OSBPL9: variants seen among roughly 807,000 people sequenced by gnomAD.
OSBPL9 encodes oxysterol binding protein like 9.
Under a neutral mutation model 106.6 loss-of-function variants are expected in OSBPL9, and 40 were observed. The ratio of observed to expected loss-of-function variants is 0.38; its 90% confidence interval spans 0.29 to 0.49. The LOEUF is 0.49. Ranked by LOEUF, OSBPL9 falls within the 20% of genes least tolerant of loss-of-function variation. The pLI, the probability that OSBPL9 is intolerant of heterozygous loss-of-function variation, is 0.97. For synonymous variants in OSBPL9, 269 were observed against 295.4 expected (o/e 0.91, Z 0.92); for missense variants, 609 against 887.2 (o/e 0.69, Z 3.98).
intron 1 of OSBPL9, chr1:51,583,731 C>T (rs1645233522): frequency 6.6e-6 from 1 of 152,160 alleles, no homozygotes; most frequent in African/African-American, 2.4e-5. Flanking sequence ...GTTCCTCAGC[C>T]CTGCTGAGCT....
At chr1:51,678,024 G>T (rs1651692945) in intron 3 of OSBPL9, among the ~76,000 whole-genome samples, 1 of 151,086 alleles carries the variant, frequency 6.6e-6, no homozygotes, top group Admixed American at 6.6e-5. Context: ...AAAAAAAAAT[G>T]AAAAAACTCC....
At chr1:51,564,052 C>CATAAAAAAAAAA in the OSBPL9 span, among the ~76,000 whole-genome samples, 1 of 27,386 alleles carries the variant, frequency 3.7e-5, no homozygotes, top group Non-Finnish European at 6.5e-5. Flanking sequence ...GAGATCATCT[C>CATAAAAAAAAAA]AAAAAAAAAA....
At chr1:51,735,436 G>A (rs1235633018) in intron 4 of OSBPL9, among the ~76,000 whole-genome samples, 2 of 152,176 alleles carry the variant, frequency 1.3e-5, no homozygotes, top group African/African-American at 2.4e-5. Context: ...CCACTAGCCC[G>A]GTGGAGTACT....
At chr1:51,654,224 G>A (rs1415870647) in intron 2 of OSBPL9, among the ~76,000 whole-genome samples, 1 of 152,156 alleles carries the variant, frequency 6.6e-6, no homozygotes, top group African/African-American at 2.4e-5. Flanking sequence ...TTAGCAGGAA[G>A]AACATAGTGT....
Position 51,652,007 on chromosome 1 carries a change from T to C in OSBPL9, c.128T>C (p.Met43Thr), listed in dbSNP as rs1646547418. ...TTCTTTTAGTCCAAGGACAAAATGA[T>C]GAGAGGCTCTCGCAGAGGATGTGTT... ...LSYYTSKDKM[M>T]RGSRRGCVRL... Residue 43 changes from methionine to threonine, a missense_variant, in exon 2 of 24, where the codon ATG becomes ACG. Met to Thr is a moderately conservative substitution (Grantham distance 81, BLOSUM62 -1). Transcript: ENST00000428468. 6.2e-7 allele frequency: 1 copy of C among 1,608,842 alleles called. No homozygotes were observed.
chr1:51,746,987 T>C (rs745894856), intron 6 of OSBPL9, among the ~76,000 whole-genome samples: 3 of 152,216 alleles, frequency 2.0e-5, no homozygotes, highest in Non-Finnish European at 4.4e-5. Context: ...TTTGTTTTGT[T>C]TTGAGATAGT....
At chr1:51,573,508 CAAAAAAAAAAAA>C (rs961323006), upstream of OSBPL9, among the ~76,000 whole-genome samples, 1 of 25,060 alleles carries the variant, frequency 4.0e-5, no homozygotes, top group Non-Finnish European at 7.6e-5. Context: ...AACTCCATCT[CAAAAAAAAAAAA>C]AAAAAAAAAA....
chr1:51,676,304 G>A (rs966664173), intron 3 of OSBPL9, among the ~76,000 whole-genome samples: 7 of 151,848 alleles, frequency 4.6e-5, no homozygotes, highest in African/African-American at 1.7e-4. Flanking sequence ...GGTGGTGCGT[G>A]CTGTAGTCGC....
At chr1:51,550,830 A>G in the OSBPL9 span, among the ~76,000 whole-genome samples, 14 of 152,180 alleles carry the variant, frequency 9.2e-5, no homozygotes, top group Non-Finnish European at 2.1e-4. Context: ...ATTTAAACAA[A>G]ATAAAATCCT....
chr1:51,634,642 A>C lies in OSBPL9; in HGVS notation c.112-17349A>C, dbSNP rs570883818. Among the ~76,000 whole-genome samples, 197 of 152,318 alleles carry C rather than the reference A, an allele frequency of 1.3e-3. 5 individuals are homozygous for C. Among genetic ancestry groups the C allele is most frequent in the Non-Finnish European group, 1.3e-4 (9 of 68,026 alleles). On this transcript the variant is annotated intron_variant, in intron 1 of 23. Transcript: ENST00000428468. ...CCATGCAGAAAGGAATAGAGGGTTAAGGGTATCCTGGGGTTGTGGGGAAGG... is the reference window on the plus strand; with the variant it reads ...CCATGCAGAAAGGAATAGAGGGTTACGGGTATCCTGGGGTTGTGGGGAAGG...
At chr1:51,732,348 T>TA (rs1160987446) in intron 4 of OSBPL9, among the ~76,000 whole-genome samples, 6 of 152,226 alleles carry the variant, frequency 3.9e-5, no homozygotes, top group Admixed American at 1.3e-4. Flanking sequence ...CGAAAACAGA[T>TA]ATTTATGATG....
the OSBPL9 span, among the ~76,000 whole-genome samples, chr1:51,553,080 C>G: frequency 6.6e-6 from 1 of 152,030 alleles, no homozygotes; most frequent in Admixed American, 6.6e-5. Flanking sequence ...TTTGAATGGA[C>G]CTTCCTTCAG....
At position 51,788,864 on chromosome 1, in the gene OSBPL9, T is replaced by TTTTA. The variant is rs1370295953; in HGVS notation, c.*1080_*1083dup. Reference sequence around the variant, plus strand: ...TATCTATCTATCTATCTATCATCTTTTTTATTTAAAAATACATTAAAAAAA... The same window carrying TTTTA: ...TATCTATCTATCTATCTATCATCTTTTTTATTTATTTAAAAATACATTAAAAAAA... On this transcript the variant is annotated 3_prime_UTR_variant, in exon 24 of 24. Coordinates refer to ENST00000428468, the MANE Select transcript of OSBPL9 (RefSeq NM_024586.6). Among the ~76,000 whole-genome samples, 2 of 152,048 alleles carry TTTTA rather than the reference T, an allele frequency of 1.3e-5. No individual in the cohort carries two copies. The highest frequency in any genetic ancestry group is 6.5e-5 in the Admixed American group (1 of 15,268).
chr1:51,735,513 G>T (rs188272805), intron 4 of OSBPL9, among the ~76,000 whole-genome samples: 2 of 152,216 alleles, frequency 1.3e-5, no homozygotes, highest in East Asian at 3.9e-4. Context: ...AAGCTTTCTC[G>T]TCCTTATAAC....
intron 1 of OSBPL9, among the ~76,000 whole-genome samples, chr1:51,593,002 A>G (rs138335130): frequency 6.6e-6 from 1 of 152,316 alleles, no homozygotes; most frequent in African/African-American, 2.4e-5. Context: ...GAAATCCATC[A>G]GGAAGTAGGG....
the OSBPL9 span, among the ~76,000 whole-genome samples, chr1:51,544,805 C>T: frequency 1.4e-5 from 2 of 145,854 alleles, no homozygotes; most frequent in Admixed American, 1.4e-4. Flanking sequence ...TTAAAAATTA[C>T]ATCCAACAGT....
chr1:51,749,568 A>G (rs1436120634), intron 7 of OSBPL9: 1 of 398,842 alleles, frequency 2.5e-6, no homozygotes, highest in Admixed American at 2.4e-5. Context: ...TCCTTGGCCT[A>G]CCAAAGCAGT....
intron 3 of OSBPL9, among the ~76,000 whole-genome samples, chr1:51,686,371 G>C (rs1179585173): frequency 6.6e-6 from 1 of 152,174 alleles, no homozygotes; most frequent in Admixed American, 6.5e-5. Flanking sequence ...ACATGGTGCT[G>C]CTTGTTCATG....
At chr1:51,626,428 G>T in intron 1 of OSBPL9, among the ~76,000 whole-genome samples, 1 of 151,606 alleles carries the variant, frequency 6.6e-6, no homozygotes, top group East Asian at 1.9e-4. Context: ...TCTTATTTAA[G>T]AATATTATTA....
Sources: gnomAD v4.1 joint callset for allele counts (sites outside exome capture counted in the v4.1 genomes callset) on GRCh38, gnomAD v4.1.1 for gene constraint, MANE v1.5 for transcripts, NCBI Gene and HGNC (gene_info 2026-07-23, HGNC 2026-07-21) for gene names.